The following ANKS3 variants were observed in gnomAD, a reference collection of about 807,000 sequenced individuals.
The protein encoded by ANKS3 is ankyrin repeat and SAM domain-containing protein 3.
Under a neutral mutation model 80.7 loss-of-function variants are expected in ANKS3, and 62 were observed. The observed-to-expected ratio is 0.77, with a 90% confidence interval of 0.63 to 0.95. The LOEUF (loss-of-function observed/expected upper bound fraction) is 0.95. Among genes scored for constraint, ANKS3 ranks in the 40% least tolerant of loss-of-function variants. The probability of loss-of-function intolerance (pLI) is 0.00; values close to 1 mark genes in which losing one functional copy is unlikely to be tolerated. For missense variants in ANKS3, 1,150 were observed against 883.6 expected (o/e 1.30, Z -3.82); for synonymous variants, 489 against 355.3 (o/e 1.38, Z -4.23).
chr16:4,702,064 G>C lies in ANKS3; in HGVS notation c.1009+38C>G, dbSNP rs181477445. The C allele has an allele frequency of 1.9e-3, 2,963 of 1,541,136 alleles. 47 individuals carry two copies. The African/African-American group carries it at 0.037, about 19-fold the overall frequency. On this transcript the variant is annotated intron_variant, in intron 9 of 17. Coordinates refer to ENST00000304283, the MANE Select transcript of ANKS3 (RefSeq NM_133450.4). The stretch of plus-strand genomic sequence containing the variant: ...TGGGCACACAGGAGCTCCAGGACCT[G>C]CCTGAGCCACGGGCCGGATGGGTGG...
At chr16:4,726,045 G>C (rs989908445) in intron 5 of ANKS3, among the ~76,000 whole-genome samples, 1 of 148,910 alleles carries the variant, frequency 6.7e-6, no homozygotes, top group Non-Finnish European at 1.5e-5. Flanking sequence ...GTGCAATCTC[G>C]GCTCACTGCA....
intron 6 of ANKS3, among the ~76,000 whole-genome samples, chr16:4,715,473 G>A (rs543716963): frequency 6.6e-6 from 1 of 152,010 alleles, no homozygotes; most frequent in Non-Finnish European, 1.5e-5. Flanking sequence ...GCACATGCCT[G>A]TAGTCCCAGC....
In ANKS3 at chr16:4,698,022, G is replaced by C. The variant is rs1233011390; in HGVS notation, c.1765C>G (p.Gln589Glu). ...CCCAGAGTGGCTGCACCAGGGGGCT[G>C]GTCCTGCCTCACTCGAGATGACAGC... ...AELSSRVRQD[Q>E]PPGAATLGLA... The change falls in exon 15 of 18, where the codon CAG (glutamine) becomes GAG (glutamate). Residue 589 changes from glutamine to glutamate, a missense_variant. Physicochemically the swap from Gln to Glu is conservative, Grantham distance 29 (BLOSUM62 2). Transcript: ENST00000304283. The C allele has an allele frequency of 1.9e-6, 3 of 1,608,650 alleles. No homozygotes were observed. The highest frequency in any genetic ancestry group is 2.2e-5 in the East Asian group (1 of 44,776).
chr16:4,730,275 G>A lies in ANKS3; in HGVS notation c.-2-124C>T, dbSNP rs989832195. 16 of 907,372 alleles carry A rather than the reference G, an allele frequency of 1.8e-5. 1 individual carries two copies. The East Asian group carries it at 2.6e-4, about 15-fold the overall frequency. The allele number at this position is 907,372 out of a possible 1,614,324, so 56.2% of individuals were successfully genotyped here. The stretch of plus-strand genomic sequence containing the variant: ...CTGATAACCCAGTGCAGTCAACCCC[G>A]GGAGTAACTCAGACAAATTTATTTG... On this transcript the variant is annotated intron_variant, in intron 2 of 17. Coordinates refer to ENST00000304283, the MANE Select transcript of ANKS3 (RefSeq NM_133450.4).
At position 4,728,314 on chromosome 16, in the gene ANKS3, G is replaced by C. The variant is rs1426895495; in HGVS notation, c.171-1137C>G. Among the ~76,000 whole-genome samples, 3 of 152,266 alleles carry C rather than the reference G, an allele frequency of 2.0e-5. No homozygotes were observed. In the East Asian group the frequency reaches 5.8e-4, roughly 29 times the overall value. The stretch of plus-strand genomic sequence containing the variant: ...CCCGCCTTAGCCTCCCAAAGTGCTG[G>C]ATTACAGGCGTGAGCCACCGCGCCC... On this transcript the variant is annotated intron_variant, in intron 3 of 17. Coordinates refer to ENST00000304283, the MANE Select transcript of ANKS3 (RefSeq NM_133450.4).
intron 7 of ANKS3, among the ~76,000 whole-genome samples, chr16:4,707,077 C>T (rs1183206313): frequency 6.6e-6 from 1 of 152,140 alleles, no homozygotes; most frequent in East Asian, 1.9e-4. Flanking sequence ...TCCATCCAAG[C>T]TGAAGGGGAG....
chr16:4,729,512 C>T (rs913583365), intron 3 of ANKS3: 8 of 152,206 alleles, frequency 5.3e-5, no homozygotes, highest in African/African-American at 1.9e-4. Flanking sequence ...AGGTACATGC[C>T]ACCACACCCA....
At chr16:4,697,658 G>A (rs1404336812) in intron 15 of ANKS3, among the ~76,000 whole-genome samples, 1 of 152,240 alleles carries the variant, frequency 6.6e-6, no homozygotes, top group East Asian at 1.9e-4. Context: ...TCTGCCGGTG[G>A]GGACCCGGGT....
chr16:4,711,669 G>A (rs117172624), intron 7 of ANKS3, among the ~76,000 whole-genome samples: 6,118 of 143,982 alleles, frequency 0.042, 215 homozygotes, highest in Non-Finnish European at 0.059. Context: ...GGTGAGTCAA[G>A]ATCGAGCCAC....
At chr16:4,700,599 A>G (rs2079844892) in intron 11 of ANKS3, 2 of 371,190 alleles carry the variant, frequency 5.4e-6, no homozygotes, top group African/African-American at 2.1e-5. Context: ...GGATGGTGGC[A>G]GCTGTAACCA....
chr16:4,706,601 TC>T, intron 7 of ANKS3, among the ~76,000 whole-genome samples: 1 of 152,318 alleles, frequency 6.6e-6, no homozygotes, highest in South Asian at 2.1e-4. Flanking sequence ...TCAAATCACT[TC>T]CCAGTCTGAG....
Position 4,726,962 on chromosome 16 carries a change from G to A in ANKS3, c.369+17C>T, listed in dbSNP as rs2081386413. On this transcript the variant is annotated intron_variant, in intron 4 of 17. Transcript: ENST00000304283. ...GAGCCCCTCAGGTTTCTGGGCCTGAGTTCCCTCGTAGCTCACCTGGAGAAG... is the reference window on the plus strand; with the variant it reads ...GAGCCCCTCAGGTTTCTGGGCCTGAATTCCCTCGTAGCTCACCTGGAGAAG... 7.4e-6 allele frequency: 12 copies of A among 1,613,668 alleles called. No homozygotes were observed. Among genetic ancestry groups the A allele is most frequent in the Non-Finnish European group, 8.5e-6 (10 of 1,179,970 alleles).
At chr16:4,726,932 C>A in intron 4 of ANKS3, 47 bp downstream of exon 4, 1 of 1,611,078 alleles carries the variant, frequency 6.2e-7, no homozygotes, top group Non-Finnish European at 8.5e-7. Context: ...GTCAGGGTGG[C>A]CACGGAGCCC....
Position 4,696,719 on chromosome 16 carries a change from G to A in ANKS3, c.*189C>T, listed in dbSNP as rs1045033738. 1 of 474,162 alleles carries A rather than the reference G, an allele frequency of 2.1e-6. No homozygotes were observed. The highest frequency in any genetic ancestry group is 3.9e-6 in the Non-Finnish European group (1 of 257,386). 29.4% of individuals were successfully genotyped at this position (474,162 alleles called of 1,614,324 possible). ...AGGCCCTCGTCCCGCCTCAGTGCTG[G>A]CCCGAGCTGCCGAGCCAGGGCCGCA... On this transcript the variant is annotated 3_prime_UTR_variant, in exon 18 of 18. Transcript: ENST00000304283.
chr16:4,703,169 A>G (rs747944410), intron 8 of ANKS3, among the ~76,000 whole-genome samples: 16 of 152,184 alleles, frequency 1.1e-4, no homozygotes, highest in Non-Finnish European at 1.8e-4. Context: ...CTGGAATGCA[A>G]TGGCACCATC....
intron 7 of ANKS3, among the ~76,000 whole-genome samples, chr16:4,711,031 C>T (rs539677017): frequency 1.3e-5 from 2 of 151,896 alleles, no homozygotes; most frequent in African/African-American, 4.8e-5. Context: ...TCAAGTGATC[C>T]ACACGCCTCA....
chr16:4,725,772 G>A (rs555298775), intron 5 of ANKS3, among the ~76,000 whole-genome samples: 8 of 152,132 alleles, frequency 5.3e-5, no homozygotes, highest in South Asian at 4.2e-4. Context: ...TGATTCTCCC[G>A]CCTCAGACTC....
intron 6 of ANKS3, among the ~76,000 whole-genome samples, chr16:4,716,347 G>A (rs1034421604): frequency 2.9e-5 from 4 of 139,738 alleles, no homozygotes; most frequent in Admixed American, 7.2e-5. Context: ...GGCGACACAC[G>A]GAGACTCCAA....
At chr16:4,716,034 C>G (rs1041872184) in intron 6 of ANKS3, among the ~76,000 whole-genome samples, 5 of 151,912 alleles carry the variant, frequency 3.3e-5, no homozygotes, top group African/African-American at 1.2e-4. Flanking sequence ...TGCGGTGACA[C>G]GGACTAGGGT....
Sources: allele counts gnomAD v4.1 joint callset (sites outside exome capture counted in the v4.1 genomes callset), GRCh38; gene constraint gnomAD v4.1.1; transcripts MANE v1.5; gene names NCBI Gene and HGNC (gene_info 2026-07-23, HGNC 2026-07-21).